Variants in CDC42BPA observed in about 807,000 individuals in gnomAD.
CDC42BPA encodes the protein serine/threonine-protein kinase MRCK alpha.
In CDC42BPA, 80 loss-of-function variants were observed where a neutral mutation model predicts 223.5. That is an observed-to-expected ratio of 0.36 (90% CI 0.30 to 0.43). The LOEUF (loss-of-function observed/expected upper bound fraction) is 0.43, where lower values mean the gene tolerates loss of function less well. Ranked by LOEUF, CDC42BPA falls within the 20% of genes least tolerant of loss-of-function variation. CDC42BPA has a pLI of 1.00. For missense variants in CDC42BPA, 1,743 were observed against 2,099.9 expected (o/e 0.83, Z 3.32); for synonymous variants, 694 against 718.6 (o/e 0.97, Z 0.55).
intron 23 of CDC42BPA, among the ~76,000 whole-genome samples, chr1:227,040,829 T>C (rs1177016800): frequency 6.6e-6 from 1 of 152,180 alleles, no homozygotes; most frequent in Non-Finnish European, 1.5e-5. Context: ...TCTTATTGAA[T>C]ACACCATAGT....
In CDC42BPA at chr1:227,087,512, G is replaced by T. The variant is rs149701721; in HGVS notation, c.2355+4374C>A. Among the ~76,000 whole-genome samples the T allele has an allele frequency of 4.5e-3, 678 of 152,196 alleles. 8 individuals carry two copies. The highest frequency in any genetic ancestry group is 0.016 in the African/African-American group (647 of 41,530). ...ACTCAAAATATCTGAACTATTCTTG[G>T]TCTTTTCTATTCCTCTATAAGTTTA... On this transcript the variant is annotated intron_variant, in intron 16 of 36. Coordinates refer to ENST00000366766, the MANE Select transcript of CDC42BPA (RefSeq NM_001394014.1).
intron 1 of CDC42BPA, among the ~76,000 whole-genome samples, chr1:227,267,255 TTCTAA>T (rs1423669806): frequency 6.6e-6 from 1 of 152,206 alleles, no homozygotes; most frequent in Non-Finnish European, 1.5e-5. Context: ...TCCAATTTAG[TTCTAA>T]TCTGTTACTA....
intron 4 of CDC42BPA, among the ~76,000 whole-genome samples, chr1:227,196,338 C>CTTTTTTTTTTTTTTTTCT (rs1553388919): frequency 1.1e-5 from 1 of 92,352 alleles, no homozygotes; most frequent in Non-Finnish European, 1.9e-5. Context: ...TTAAACAATA[C>CTTTTTTTTTTTTTTTTCT]TTTTTTTTTT....
intron 15 of CDC42BPA, among the ~76,000 whole-genome samples, chr1:227,097,716 C>T (rs1267457181): frequency 6.6e-6 from 1 of 152,144 alleles, no homozygotes; most frequent in Non-Finnish European, 1.5e-5. Flanking sequence ...GGCATATGAC[C>T]TTCTTCTAGG....
intron 1 of CDC42BPA, among the ~76,000 whole-genome samples, chr1:227,266,826 A>G (rs1283400097): frequency 6.6e-6 from 1 of 152,244 alleles, no homozygotes; most frequent in Non-Finnish European, 1.5e-5. Context: ...ATTTTAAATG[A>G]GGAAACAAAA....
chr1:227,081,286 T>C (rs1484045478), intron 16 of CDC42BPA, among the ~76,000 whole-genome samples: 1 of 152,090 alleles, frequency 6.6e-6, no homozygotes, highest in Non-Finnish European at 1.5e-5. Context: ...AATAGCTTTT[T>C]TTTTTCTCCA....
At chr1:227,222,094 A>G (rs1480219188) in intron 2 of CDC42BPA, among the ~76,000 whole-genome samples, 1 of 148,384 alleles carries the variant, frequency 6.7e-6, no homozygotes, top group African/African-American at 2.5e-5. Flanking sequence ...TTAGTCAGGG[A>G]TAGTGGTGCA....
rs1287656260 is a variant in CDC42BPA, at chr1:227,006,963, A to AACAACG, written c.4858-1853_4858-1852insCGTTGT. Among the ~76,000 whole-genome samples, 1,218 of 151,804 alleles carry AACAACG rather than the reference A, an allele frequency of 8.0e-3. 15 individuals are homozygous for AACAACG. Among genetic ancestry groups the AACAACG allele is most frequent in the African/African-American group, 0.028 (1,155 of 41,326 alleles). ...GAGACTCCGTCTCAACAACAACAAC[A>AACAACG]ACAACAACAACAACAACAACAACAA... is the stretch of plus-strand genomic sequence containing the variant. On this transcript the variant is annotated intron_variant, in intron 34 of 36. Transcript: ENST00000366766.
In CDC42BPA at chr1:227,317,710, C is replaced by A. The variant is rs1694626469; in HGVS notation, c.-528G>T. The A allele has an allele frequency of 5.0e-6, 2 of 398,382 alleles. No individual in the cohort carries two copies. Among genetic ancestry groups the A allele is most frequent in the African/African-American group, 4.1e-5 (2 of 48,628 alleles). The allele number at this position is 398,382 out of a possible 1,614,324, so 24.7% of individuals were successfully genotyped here. On this transcript the variant is annotated 5_prime_UTR_variant, in exon 1 of 37. Transcript: ENST00000366766. ...GGAGGGAAAACCAAAAATGTTGCTG[C>A]AAATCCTCCCAACCACCACTTGGAT...
intron 24 of CDC42BPA, among the ~76,000 whole-genome samples, chr1:227,039,219 T>C (rs962976132): frequency 2.0e-5 from 3 of 152,186 alleles, no homozygotes; most frequent in African/African-American, 7.2e-5. Flanking sequence ...GAGACTAGAC[T>C]GACATGGTTA....
chr1:227,233,872 G>A (rs1678496994), intron 2 of CDC42BPA, among the ~76,000 whole-genome samples: 6 of 152,064 alleles, frequency 3.9e-5, no homozygotes, highest in Admixed American at 3.9e-4. Flanking sequence ...GGTGGAAGTT[G>A]CAGTTAGCCG....
chr1:227,268,673 T>C (rs1374650217), intron 1 of CDC42BPA, among the ~76,000 whole-genome samples: 2 of 145,322 alleles, frequency 1.4e-5, no homozygotes, highest in South Asian at 2.1e-4. Flanking sequence ...TATACATATA[T>C]ATATATACAC....
At chr1:227,264,758 G>C (rs1684694192) in intron 1 of CDC42BPA, 1 of 855,370 alleles carries the variant, frequency 1.2e-6, no homozygotes, top group Non-Finnish European at 2.0e-6. Context: ...TTGGCCATGA[G>C]GTCTTCCAAG....
intron 1 of CDC42BPA, among the ~76,000 whole-genome samples, chr1:227,299,151 T>C (rs924936654): frequency 2.6e-5 from 4 of 152,212 alleles, no homozygotes; most frequent in Non-Finnish European, 5.9e-5. Flanking sequence ...GCAGAGAATT[T>C]TGGAAAGAAA....
intron 1 of CDC42BPA, among the ~76,000 whole-genome samples, chr1:227,279,163 T>A (rs981967249): frequency 6.6e-6 from 1 of 152,166 alleles, no homozygotes; most frequent in Non-Finnish European, 1.5e-5. Context: ...GATGTGAGGA[T>A]CCTGCTGCCT....
At position 227,075,654 on chromosome 1, in the gene CDC42BPA, G is replaced by A. The variant is rs182877021; in HGVS notation, c.2481-1290C>T. On this transcript the variant is annotated intron_variant, in intron 17 of 36. Coordinates refer to ENST00000366766, the MANE Select transcript of CDC42BPA (RefSeq NM_001394014.1). Reference sequence around the variant, plus strand: ...CTTCTAAAATTCTTTGACTACAAGTGACTGTAATCTTTTCATTTAATTACC... The same window carrying A: ...CTTCTAAAATTCTTTGACTACAAGTAACTGTAATCTTTTCATTTAATTACC... Among the ~76,000 whole-genome samples the A allele has an allele frequency of 4.6e-5, 7 of 152,304 alleles. No individual in the cohort carries two copies. The East Asian group carries it at 1.3e-3, about 29-fold the overall frequency.
At chr1:227,186,665 C>T (rs1438686307) in intron 5 of CDC42BPA, among the ~76,000 whole-genome samples, 1 of 152,190 alleles carries the variant, frequency 6.6e-6, no homozygotes, top group Non-Finnish European at 1.5e-5. Context: ...ACGCCCCTTG[C>T]CACTACATCA....
At position 227,081,032 on chromosome 1, in the gene CDC42BPA, T is replaced by G; in HGVS notation, c.2356-15A>C. Reference sequence around the variant, plus strand: ...AAAGTAGTAAGCTGAAAGATAGTTTTAAGACATGCATGACTTTTAGGACCA... The same window carrying G: ...AAAGTAGTAAGCTGAAAGATAGTTTGAAGACATGCATGACTTTTAGGACCA... On this transcript the variant is annotated splice_polypyrimidine_tract_variant and intron_variant, in intron 16 of 36. Coordinates refer to ENST00000366766, the MANE Select transcript of CDC42BPA (RefSeq NM_001394014.1). The G allele has an allele frequency of 6.2e-7, 1 of 1,612,816 alleles. No homozygotes were observed. The highest frequency in any genetic ancestry group is 8.5e-7 in the Non-Finnish European group (1 of 1,179,424).
intron 14 of CDC42BPA, among the ~76,000 whole-genome samples, chr1:227,109,964 T>C (rs927912510): frequency 2.0e-5 from 3 of 152,100 alleles, no homozygotes; most frequent in African/African-American, 4.8e-5. Context: ...TTTGGAACAA[T>C]GACAAGAAAA....
Sources: allele counts gnomAD v4.1 joint callset (sites outside exome capture counted in the v4.1 genomes callset), GRCh38; gene constraint gnomAD v4.1.1; transcripts MANE v1.5; gene names NCBI Gene and HGNC (gene_info 2026-07-23, HGNC 2026-07-21).